LONRF2: variants seen among roughly 807,000 people sequenced by gnomAD.
LONRF2 encodes LON peptidase N-terminal domain and RING finger protein 2.
A neutral mutation model predicts 66.6 loss-of-function variants in LONRF2; 35 were observed. The ratio of observed to expected loss-of-function variants is 0.53; its 90% CI spans 0.40 to 0.70. LONRF2 has a LOEUF of 0.70. Among genes scored for constraint, LONRF2 ranks in the 30% least tolerant of loss-of-function variants. The pLI, the probability that LONRF2 is intolerant of heterozygous loss-of-function variation, is 0.00. For missense variants in LONRF2, 902 were observed against 1,002.1 expected (o/e 0.90, Z 1.35); for synonymous variants, 417 against 418.1 (o/e 1.00, Z 0.03).
In LONRF2 at chr2:100,274,235, G is replaced by GC. The variant is rs1207583876; in HGVS notation, c.*10062dup. ...CGAGGGCTGTCGTAGTACCCCGGGA[G>GC]CCTCACATGACTCTCTCAGCCCCTC... On this transcript the variant is annotated 3_prime_UTR_variant, in exon 12 of 12. Coordinates refer to ENST00000393437, the MANE Select transcript of LONRF2 (RefSeq NM_198461.4). 1 of 152,048 alleles carries GC rather than the reference G, an allele frequency of 6.6e-6. No individual in the cohort carries two copies. The highest frequency in any genetic ancestry group is 1.5e-5 in the Non-Finnish European group (1 of 68,044). 9.4% of individuals were successfully genotyped at this position (152,048 alleles called of 1,614,324 possible). A position where few individuals can be genotyped will look rare whatever the true frequency, so the allele number is the denominator to read the frequency against.
At position 100,321,484 on chromosome 2, in the gene LONRF2, C is replaced by T. The variant is rs1305030072; in HGVS notation, c.610G>A (p.Ala204Thr). 6.6e-7 allele frequency: 1 copy of T among 1,523,184 alleles called. No individual in the cohort carries two copies. The allele number at this position is 1,523,184 out of a possible 1,614,324, so 94.4% of individuals were successfully genotyped here. A position where few individuals can be genotyped will look rare whatever the true frequency, so the allele number is the denominator to read the frequency against. The stretch of plus-strand genomic sequence containing the variant: ...TGCTGCTGGCGCTGCAGGCTCCGCG[C>T]CTGGCCTGCCAGCCTGCGCAGCCGG... ...ECRLRRLAGQ[A>T]RSLQRQQQPE... Residue 204 changes from alanine (A) to threonine (T), a missense_variant, in exon 1 of 12, where the codon GCG becomes ACG. By Grantham distance (58) the Ala-to-Thr change is moderately conservative. Coordinates refer to ENST00000393437, the MANE Select transcript of LONRF2 (RefSeq NM_198461.4).
At chr2:100,286,783 T>C (rs1423545237) in intron 11 of LONRF2, 131 bp downstream of exon 11, 14 of 997,856 alleles carry the variant, frequency 1.4e-5, no homozygotes, top group Non-Finnish European at 2.0e-5. Flanking sequence ...GGGCTGTTAG[T>C]AGATGAACTG....
intron 8 of LONRF2, among the ~76,000 whole-genome samples, 156 bp from the exon 9 acceptor site, chr2:100,294,543 GC>G (rs1675026325): frequency 6.6e-6 from 1 of 152,188 alleles, no homozygotes. Flanking sequence ...AAGGACCATA[GC>G]ATGTGAAAAT....
At position 100,302,923 on chromosome 2, in the gene LONRF2, T is replaced by C. The variant is rs754317489; in HGVS notation, c.919A>G (p.Lys307Glu). ...AAGTCCTTTAACAGAACTCATACCTTCTGTGCTTCTTTCTTCACAGAGTTA... is the reference window on the plus strand; with the variant it reads ...AAGTCCTTTAACAGAACTCATACCTCCTGTGCTTCTTTCTTCACAGAGTTA... ...ECNSVKKEAQKVMCEVLFSAT... is the reference protein window; with the variant it reads ...ECNSVKKEAQEVMCEVLFSAT... Residue 307 changes from lysine (K) to glutamate (E), a missense_variant and splice_region_variant, in exon 3 of 12, where the codon AAG becomes GAG. Physicochemically the swap from Lys to Glu is moderately conservative, Grantham distance 56. This residue lies in a region of LONRF2 where 585 missense variants were observed against 569.9 expected (regional missense o/e 1.03). Transcript: ENST00000393437. 6.3e-7 allele frequency: 1 copy of C among 1,599,868 alleles called. No individual in the cohort carries two copies. The highest frequency in any genetic ancestry group is 8.5e-7 in the Non-Finnish European group (1 of 1,172,702).
chr2:100,304,412 G>A (rs369964409), intron 2 of LONRF2, among the ~76,000 whole-genome samples: 3 of 151,962 alleles, frequency 2.0e-5, no homozygotes, highest in East Asian at 1.9e-4. Flanking sequence ...AAAGCATTGG[G>A]CATACATGCA....
rs1248728922 is a variant in LONRF2 at position 100,281,384 on chromosome 2, A to C, written c.*2914T>G. 6.6e-6 allele frequency: 1 copy of C among 152,240 alleles called. No individual in the cohort carries two copies. The highest frequency in any genetic ancestry group is 1.5e-5 in the Non-Finnish European group (1 of 68,036). 9.4% of individuals were successfully genotyped at this position (152,240 alleles called of 1,614,324 possible). On this transcript the variant is annotated 3_prime_UTR_variant, in exon 12 of 12. Coordinates refer to ENST00000393437, the MANE Select transcript of LONRF2 (RefSeq NM_198461.4). ...ATGAGATAATACTGTTGAATTTGGT[A>C]CATGAATTGGTTAAGAATTATTGTG...
In LONRF2 at chr2:100,290,328, A is replaced by T; in HGVS notation, c.1850T>A (p.Phe617Tyr). ...TCTGTGGCGGTGGCTTAGCACTCGGAACCGACTGATGCCAATCGCGTCTAC... is the reference window on the plus strand; with the variant it reads ...TCTGTGGCGGTGGCTTAGCACTCGGTACCGACTGATGCCAATCGCGTCTAC... ...SVVDAIGISRFRVLSHRHRDG... is the reference protein window; with the variant it reads ...SVVDAIGISRYRVLSHRHRDG... The change falls in exon 10 of 12, where the codon TTC (phenylalanine) becomes TAC (tyrosine). Residue 617 changes from phenylalanine to tyrosine, a missense_variant. Physicochemically the swap from Phe to Tyr is conservative, Grantham distance 22. Coordinates refer to ENST00000393437, the MANE Select transcript of LONRF2 (RefSeq NM_198461.4). 6.2e-7 allele frequency: 1 copy of T among 1,614,178 alleles called. No individual in the cohort carries two copies. Among genetic ancestry groups the T allele is most frequent in the Non-Finnish European group, 8.5e-7 (1 of 1,180,006 alleles).
At chr2:100,286,454 C>T (rs796671542) in intron 11 of LONRF2, among the ~76,000 whole-genome samples, 2 of 152,206 alleles carry the variant, frequency 1.3e-5, no homozygotes, top group Non-Finnish European at 2.9e-5. Context: ...AAGCCCATGA[C>T]AGCTGGGCAG....
intron 7 of LONRF2, among the ~76,000 whole-genome samples, chr2:100,297,638 A>AGACATCTTGCCGATGTCT (rs1280762608): frequency 6.6e-6 from 1 of 152,216 alleles, no homozygotes; most frequent in African/African-American, 2.4e-5. Context: ...CGATGCATCT[A>AGACATCTTGCCGATGTCT]CTAGCAAGAA....
At chr2:100,287,993 A>C (rs933645694) in intron 10 of LONRF2, among the ~76,000 whole-genome samples, 1 of 152,240 alleles carries the variant, frequency 6.6e-6, no homozygotes, top group Non-Finnish European at 1.5e-5. Flanking sequence ...TTTGATTTAT[A>C]CAAATCAAAT....
chr2:100,293,248 T>C (rs1053905237), intron 9 of LONRF2, among the ~76,000 whole-genome samples: 1 of 152,190 alleles, frequency 6.6e-6, no homozygotes, highest in African/African-American at 2.4e-5. Context: ...TTTCTCTCCT[T>C]TGATTCAGAA....
intron 2 of LONRF2, among the ~76,000 whole-genome samples, chr2:100,308,429 A>C (rs1480721666): frequency 6.6e-6 from 1 of 152,254 alleles, no homozygotes; most frequent in African/African-American, 2.4e-5. Context: ...CAAAGTTGAT[A>C]TAAAGTAATA....
intron 1 of LONRF2, among the ~76,000 whole-genome samples, chr2:100,314,185 C>T (rs890215837): frequency 6.6e-6 from 1 of 152,102 alleles, no homozygotes; most frequent in African/African-American, 2.4e-5. Context: ...CTAACAAACA[C>T]ATTTCTTAAG....
At chr2:100,291,059 T>C (rs1674950056) in intron 9 of LONRF2, among the ~76,000 whole-genome samples, 1 of 152,096 alleles carries the variant, frequency 6.6e-6, no homozygotes. Flanking sequence ...ACAAAACATA[T>C]GTCTCTTGAA....
rs4851287 is a variant in LONRF2, at chr2:100,299,310, A to G, written c.1277T>C (p.Leu426Pro). The G allele has an allele frequency of 0.67, 1,046,053 of 1,570,142 alleles. 352,908 individuals carry two copies. Among genetic ancestry groups the G allele is most frequent in the East Asian group, 0.96 (42,325 of 44,120 alleles). ...TGTCTCAGAGTTTGGGCTCCTTTGA[A>G]GTGAGAGATCTGAATGCGAAAAAAT... is the stretch of plus-strand genomic sequence containing the variant. ...PGKIPKKDLSLQRSPNSETEE... is the reference protein window; with the variant it reads ...PGKIPKKDLSPQRSPNSETEE... Residue 426 changes from leucine (L) to proline (P), a missense_variant, in exon 6 of 12, where the codon CTT becomes CCT. Transcript: ENST00000393437.
At position 100,284,505 on chromosome 2, in the gene LONRF2, T is replaced by A. The variant is rs1405282354; in HGVS notation, c.2071-13A>T. On this transcript the variant is annotated splice_polypyrimidine_tract_variant and intron_variant, in intron 11 of 11. Transcript: ENST00000393437. ...CGCTGGGATTACTCTGCAAAAGAGA[T>A]GAGGGGAAAGCAAGGTTAACACTGG... The A allele has an allele frequency of 1.6e-5, 24 of 1,541,112 alleles. No individual in the cohort carries two copies. Among genetic ancestry groups the A allele is most frequent in the Non-Finnish European group, 2.1e-5 (24 of 1,142,828 alleles).
At chr2:100,303,827 T>A (rs915120979) in intron 2 of LONRF2, among the ~76,000 whole-genome samples, 1 of 152,228 alleles carries the variant, frequency 6.6e-6, no homozygotes, top group African/African-American at 2.4e-5. Flanking sequence ...TGAGTTAACC[T>A]TCTTGGATCT....
At chr2:100,313,323 C>A (rs1675444841) in intron 1 of LONRF2, among the ~76,000 whole-genome samples, 1 of 152,116 alleles carries the variant, frequency 6.6e-6, no homozygotes, top group African/African-American at 2.4e-5. Flanking sequence ...GGCGAGACCC[C>A]ATCTCTACTA....
At chr2:100,315,142 G>C (rs139086869) in intron 1 of LONRF2, among the ~76,000 whole-genome samples, 4 of 152,310 alleles carry the variant, frequency 2.6e-5, no homozygotes, top group Non-Finnish European at 4.4e-5. Context: ...CATGTTTTCA[G>C]TGTATTGAAA....
Sources: allele counts gnomAD v4.1 joint callset (sites outside exome capture counted in the v4.1 genomes callset), GRCh38; gene constraint gnomAD v4.1.1; regional missense constraint gnomAD v4.1.1; transcripts MANE v1.5; gene names NCBI Gene and HGNC (gene_info 2026-07-23, HGNC 2026-07-21).